The following KIAA1328 variants were observed in gnomAD, a reference collection of about 807,000 sequenced individuals.
KIAA1328 encodes protein hinderin.
KIAA1328 carries 52 observed loss-of-function variants against 68.1 expected under a neutral mutation model. That is an observed-to-expected ratio of 0.76 (90% confidence interval 0.61 to 0.96). The LOEUF is 0.96. KIAA1328 is among the 40% of genes least tolerant of loss of function. KIAA1328 has a pLI of 0.00. For synonymous variants in KIAA1328, 232 were observed against 239.4 expected, an observed-to-expected ratio of 0.97 and a Z score of 0.28; for missense variants, 641 against 677.6, an observed-to-expected ratio of 0.95 and a Z score of 0.60.
At chr18:37,112,133 C>A (rs996603439) in intron 7 of KIAA1328, among the ~76,000 whole-genome samples, 1 of 152,230 alleles carries the variant, frequency 6.6e-6, no homozygotes, top group African/African-American at 2.4e-5. Context: ...GAAACTTCTG[C>A]AGACTTAAAC....
intron 6 of KIAA1328, among the ~76,000 whole-genome samples, chr18:37,053,925 G>C (rs2055805041): frequency 6.6e-6 from 1 of 150,786 alleles, no homozygotes; most frequent in South Asian, 2.1e-4. Context: ...CAAAGGTCTG[G>C]TATCCAGAAC....
At chr18:36,947,711 C>T (rs1351244312) in intron 5 of KIAA1328, among the ~76,000 whole-genome samples, 2 of 152,134 alleles carry the variant, frequency 1.3e-5, no homozygotes, top group African/African-American at 4.8e-5. Flanking sequence ...TCTTCAGGAA[C>T]AGAAGAACTG....
At chr18:36,932,649 C>T (rs984547047) in intron 5 of KIAA1328, among the ~76,000 whole-genome samples, 7 of 152,186 alleles carry the variant, frequency 4.6e-5, no homozygotes, top group Non-Finnish European at 1.0e-4. Context: ...TTGGATTGCT[C>T]CATAGCAAAT....
intron 6 of KIAA1328, among the ~76,000 whole-genome samples, chr18:37,060,615 G>A (rs1442394552): frequency 6.6e-6 from 1 of 152,078 alleles, no homozygotes; most frequent in African/African-American, 2.4e-5. Flanking sequence ...TTAAACGTAT[G>A]CCTACACTAT....
rs539440806 is a variant in KIAA1328 at position 37,015,146 on chromosome 18, C to A, written c.577-51744C>A. Among the ~76,000 whole-genome samples, 4 of 152,124 alleles carry A rather than the reference C, an allele frequency of 2.6e-5. No individual in the cohort carries two copies. In the East Asian group the frequency reaches 7.8e-4, roughly 30 times the overall value. ...TCAATCTCCTGACCTCGTGATCCAC[C>A]CACCTCAGCCTCCCAAGAGTTAATT... On this transcript the variant is annotated intron_variant, in intron 6 of 9. Transcript: ENST00000280020.
intron 7 of KIAA1328, among the ~76,000 whole-genome samples, chr18:37,134,901 G>A (rs952668883): frequency 6.6e-6 from 1 of 151,968 alleles, no homozygotes; most frequent in Non-Finnish European, 1.5e-5. Flanking sequence ...CCTTCTTTAT[G>A]TACAGACTAC....
chr18:37,030,128 A>G (rs1368512644), intron 6 of KIAA1328, among the ~76,000 whole-genome samples: 1 of 151,890 alleles, frequency 6.6e-6, no homozygotes, highest in Non-Finnish European at 1.5e-5. Context: ...TTAACAAAAC[A>G]TCTTTTATTA....
At chr18:37,047,128 A>G (rs915863500) in intron 6 of KIAA1328, among the ~76,000 whole-genome samples, 2 of 152,180 alleles carry the variant, frequency 1.3e-5, no homozygotes, top group African/African-American at 4.8e-5. Context: ...CTAGGTATCT[A>G]CCATCTGCCT....
At chr18:36,882,321 T>C (rs981364041) in intron 4 of KIAA1328, among the ~76,000 whole-genome samples, 7 of 152,144 alleles carry the variant, frequency 4.6e-5, no homozygotes, top group Non-Finnish European at 8.8e-5. Flanking sequence ...AGATGAAAAA[T>C]ATAGACCATG....
At chr18:36,843,541 A>G (rs1471220112) in intron 3 of KIAA1328, among the ~76,000 whole-genome samples, 2 of 152,176 alleles carry the variant, frequency 1.3e-5, no homozygotes, top group African/African-American at 2.4e-5. Flanking sequence ...TTAGAATAAT[A>G]TGGTGTTTAA....
intron 8 of KIAA1328, among the ~76,000 whole-genome samples, chr18:37,165,225 A>G (rs1599481602): frequency 6.6e-6 from 1 of 152,232 alleles, no homozygotes; most frequent in East Asian, 1.9e-4. Context: ...GGAAGGCACA[A>G]CTAAGTCCAT....
intron 7 of KIAA1328, among the ~76,000 whole-genome samples, chr18:37,076,586 G>A (rs1413738950): frequency 2.0e-5 from 3 of 151,714 alleles, no homozygotes; most frequent in Non-Finnish European, 2.9e-5. Context: ...TAGACCGCTA[G>A]CAAGACTAAT....
chr18:36,977,276 C>T (rs906455198), intron 6 of KIAA1328, among the ~76,000 whole-genome samples: 11 of 152,168 alleles, frequency 7.2e-5, no homozygotes, highest in African/African-American at 2.7e-4. Flanking sequence ...TTCTCATTGG[C>T]TAGCTAACTG....
chr18:36,903,269 C>T (rs1286836920), intron 5 of KIAA1328, among the ~76,000 whole-genome samples: 1 of 152,006 alleles, frequency 6.6e-6, no homozygotes, highest in African/African-American at 2.4e-5. Context: ...AGATCTCTTG[C>T]CTTGAATTTT....
chr18:37,135,733 G>A (rs2058629224), intron 7 of KIAA1328, among the ~76,000 whole-genome samples: 1 of 152,072 alleles, frequency 6.6e-6, no homozygotes, highest in Admixed American at 6.6e-5. Flanking sequence ...TGCTTTTGAG[G>A]ACTTAATCGT....
chr18:37,019,081 G>A (rs867759662), intron 6 of KIAA1328, among the ~76,000 whole-genome samples: 7 of 152,138 alleles, frequency 4.6e-5, no homozygotes, highest in Middle Eastern at 3.4e-3. Context: ...AATTATTTTT[G>A]TGCAGGCAGG....
chr18:37,192,472 G>A (rs566421424), intron 9 of KIAA1328, among the ~76,000 whole-genome samples: 4 of 152,302 alleles, frequency 2.6e-5, no homozygotes, highest in South Asian at 4.2e-4. Context: ...GCACACTGAT[G>A]AACAGAGTAA....
At chr18:37,101,966 A>G (rs1214328597) in intron 7 of KIAA1328, among the ~76,000 whole-genome samples, 1 of 152,204 alleles carries the variant, frequency 6.6e-6, no homozygotes, top group Non-Finnish European at 1.5e-5. Context: ...AAAATATTCA[A>G]AACAAATTGG....
chr18:36,927,405 T>C (rs1423012539), intron 5 of KIAA1328, among the ~76,000 whole-genome samples: 1 of 152,170 alleles, frequency 6.6e-6, no homozygotes, highest in Non-Finnish European at 1.5e-5. Context: ...AACAATTTGG[T>C]AATAGTAATA....
Sources: gnomAD v4.1 joint callset for allele counts (sites outside exome capture counted in the v4.1 genomes callset) on GRCh38, gnomAD v4.1.1 for gene constraint, MANE v1.5 for transcripts, NCBI Gene and HGNC (gene_info 2026-07-23, HGNC 2026-07-21) for gene names.